Variants in ADAM12 observed in about 807,000 individuals in gnomAD.
The protein encoded by ADAM12 is ADAM metallopeptidase domain 12.
A neutral mutation model predicts 106.4 loss-of-function variants in ADAM12; 70 were observed. That is an observed-to-expected ratio of 0.66 (90% CI 0.54 to 0.80). ADAM12 has a LOEUF of 0.80. Ranked by LOEUF, ADAM12 falls within the 30% of genes least tolerant of loss-of-function variation. The pLI, the probability that ADAM12 is intolerant of heterozygous loss-of-function variation, is 0.00. For synonymous variants in ADAM12, 420 were observed against 433.5 expected, an observed-to-expected ratio of 0.97 and a Z score of 0.39; for missense variants, 1,010 against 1,171.9, an observed-to-expected ratio of 0.86 and a Z score of 2.02.
Position 126,355,584 on chromosome 10 carries a change from C to T in ADAM12, c.89-25075G>A, listed in dbSNP as rs531160636. Among the ~76,000 whole-genome samples the T allele has an allele frequency of 3.3e-5, 5 of 152,300 alleles. 1 individual carries two copies. The highest frequency in any genetic ancestry group is 1.3e-4 in the Admixed American group (2 of 15,302). ...TGACCACACTGCTTCTCCCTCCATC[C>T]TTTCATTCAGCATGGTGCCACACAG... is the stretch of plus-strand genomic sequence containing the variant. On this transcript the variant is annotated intron_variant, in intron 1 of 22. Transcript: ENST00000448723.
chr10:126,055,279 T>A (rs554745810), intron 14 of ADAM12, among the ~76,000 whole-genome samples: 1 of 152,132 alleles, frequency 6.6e-6, no homozygotes, highest in African/African-American at 2.4e-5. Context: ...CAGTGCCACA[T>A]TGAAAGAGGC....
intron 3 of ADAM12, among the ~76,000 whole-genome samples, chr10:126,244,235 T>C (rs1482185821): frequency 1.3e-5 from 2 of 152,218 alleles, no homozygotes; most frequent in Non-Finnish European, 2.9e-5. Context: ...ATGGCCAGCC[T>C]CTGCCTTCAT....
chr10:126,294,800 A>G (rs1960296012), intron 2 of ADAM12, among the ~76,000 whole-genome samples: 1 of 152,104 alleles, frequency 6.6e-6, no homozygotes. Context: ...CTACAGACAA[A>G]TCTTTTATTT....
intron 3 of ADAM12, among the ~76,000 whole-genome samples, chr10:126,262,327 T>C (rs11244919): frequency 0.18 from 27,700 of 151,986 alleles, 2,632 homozygotes; most frequent in African/African-American, 0.23. Context: ...TGCCAATGAT[T>C]ATAGGAAAAA....
chr10:126,321,679 G>T lies in ADAM12; in HGVS notation c.186+8733C>A, dbSNP rs142585257. On this transcript the variant is annotated intron_variant, in intron 2 of 22. Coordinates refer to ENST00000448723, the MANE Select transcript of ADAM12 (RefSeq NM_001288973.2). ...CTCCCTCGGAGGCAAGACAGACAGG[G>T]AGGGAGAGAGCGCTGGCGAGTGCTC... Among the ~76,000 whole-genome samples the T allele has an allele frequency of 3.3e-5, 5 of 152,336 alleles. No individual in the cohort carries two copies. In the East Asian group the frequency reaches 9.6e-4, roughly 29 times the overall value.
intron 21 of ADAM12, among the ~76,000 whole-genome samples, chr10:126,025,075 G>T (rs1590299020): frequency 6.6e-6 from 1 of 152,104 alleles, no homozygotes; most frequent in East Asian, 1.9e-4. Flanking sequence ...AGGTAGATAA[G>T]CCCACAAAGA....
At chr10:126,228,103 T>C (rs1958236016) in intron 3 of ADAM12, among the ~76,000 whole-genome samples, 2 of 152,090 alleles carry the variant, frequency 1.3e-5, no homozygotes, top group African/African-American at 2.4e-5. Context: ...TGAAAGCAGA[T>C]AGGACATCTG....
chr10:126,258,890 T>C (rs530977242), intron 3 of ADAM12, among the ~76,000 whole-genome samples: 6 of 152,264 alleles, frequency 3.9e-5, no homozygotes, highest in Admixed American at 6.5e-5. Context: ...TGTAAGATCA[T>C]CTCTTTGGCA....
chr10:126,339,799 G>T (rs1333979623), intron 1 of ADAM12, among the ~76,000 whole-genome samples: 3 of 151,354 alleles, frequency 2.0e-5, no homozygotes, highest in Non-Finnish European at 4.4e-5. Context: ...GCCTTTCAAG[G>T]CAGGGAAATT....
At position 126,091,879 on chromosome 10, in the gene ADAM12, T is replaced by G. The variant is rs145841040; in HGVS notation, c.1145+2106A>C. On this transcript the variant is annotated intron_variant, in intron 11 of 22. Transcript: ENST00000448723. The stretch of plus-strand genomic sequence containing the variant: ...AGCACAGGGGTCAAAAATATTTGTT[T>G]AATATGTGAACAAGTGGGTGGAGAG... Among the ~76,000 whole-genome samples, 1,085 of 151,444 alleles carry G rather than the reference T, an allele frequency of 7.2e-3. 11 individuals carry two copies. The highest frequency in any genetic ancestry group is 0.025 in the African/African-American group (1,033 of 40,842).
chr10:126,051,490 C>T (rs1466982613), intron 14 of ADAM12, among the ~76,000 whole-genome samples: 5 of 120,366 alleles, frequency 4.2e-5, no homozygotes, highest in African/African-American at 9.4e-5. Context: ...GCCAGCCACC[C>T]GTCCATCCAC....
At chr10:126,103,751 C>A (rs1023679625) in intron 8 of ADAM12, among the ~76,000 whole-genome samples, 1 of 152,246 alleles carries the variant, frequency 6.6e-6, no homozygotes, top group Non-Finnish European at 1.5e-5. Context: ...GCCTGACTTA[C>A]AAAGCCCAGA....
chr10:126,350,853 A>G (rs1470455724), intron 1 of ADAM12, among the ~76,000 whole-genome samples: 1 of 152,184 alleles, frequency 6.6e-6, no homozygotes, highest in Admixed American at 6.5e-5. Flanking sequence ...GCTCACATCC[A>G]GGGCTCTGCC....
intron 6 of ADAM12, among the ~76,000 whole-genome samples, chr10:126,111,659 C>T (rs976757414): frequency 3.3e-5 from 5 of 152,160 alleles, no homozygotes; most frequent in African/African-American, 4.8e-5. Flanking sequence ...TTAGAAAATA[C>T]ACAATTCCAG....
intron 5 of ADAM12, among the ~76,000 whole-genome samples, chr10:126,125,653 G>T (rs115549059): frequency 6.6e-6 from 1 of 151,792 alleles, no homozygotes; most frequent in South Asian, 2.1e-4. Flanking sequence ...CACTGCAGGG[G>T]GTTGAATAGT....
chr10:126,318,627 T>C (rs765422939), intron 2 of ADAM12, among the ~76,000 whole-genome samples: 7 of 152,080 alleles, frequency 4.6e-5, no homozygotes, highest in Non-Finnish European at 7.4e-5. Flanking sequence ...CATGGGTGTA[T>C]GTCAAAGAGA....
rs189616955 is a variant in ADAM12, at chr10:126,385,686, T to C, written c.88+2372A>G. ...TTTTTTTTTAATGATGGCACTACTA[T>C]ATTGGGTAGTTGAAAAGAAGAGAAG... On this transcript the variant is annotated intron_variant, in intron 1 of 22. Transcript: ENST00000448723. Among the ~76,000 whole-genome samples, 43 of 151,978 alleles carry C rather than the reference T, an allele frequency of 2.8e-4. No individual in the cohort carries two copies. In the East Asian group the frequency reaches 3.3e-3, roughly 12 times the overall value.
intron 1 of ADAM12, among the ~76,000 whole-genome samples, chr10:126,387,496 AAAG>A (rs770590433): frequency 1.3e-5 from 2 of 152,124 alleles, no homozygotes; most frequent in Non-Finnish European, 2.9e-5. Flanking sequence ...AGAGGAAACT[AAAG>A]AAGTAGGTAA....
intron 12 of ADAM12, among the ~76,000 whole-genome samples, chr10:126,069,870 G>A (rs146667389): frequency 1.8e-4 from 27 of 152,252 alleles, no homozygotes; most frequent in South Asian, 6.2e-4. Context: ...TTGTGGAGAT[G>A]GTGATGTTAG....
Sources: allele counts gnomAD v4.1 joint callset (sites outside exome capture counted in the v4.1 genomes callset), GRCh38; gene constraint gnomAD v4.1.1; transcripts MANE v1.5; gene names NCBI Gene and HGNC (gene_info 2026-07-23, HGNC 2026-07-21).